PLLP: variants seen among roughly 807,000 people sequenced by gnomAD.
The protein encoded by PLLP is plasmolipin, also known as plasma membrane proteolipid (plasmolipin).
In PLLP, 15 loss-of-function variants were observed where a neutral mutation model predicts 19.7. The ratio of observed to expected loss-of-function variants is 0.76; its 90% CI spans 0.51 to 1.17. The LOEUF is 1.17. PLLP is among the 50% of genes most tolerant of loss of function. The pLI is 0.00. For missense variants in PLLP, 255 were observed against 258.3 expected, an observed-to-expected ratio of 0.99 and a Z score of 0.09; for synonymous variants, 111 against 116.3, an observed-to-expected ratio of 0.95 and a Z score of 0.29.
chr16:57,257,042 T>C lies in PLLP; in HGVS notation c.433-13A>G. ...AACACGCAAAGAACTGAAAGAGAGG[T>C]GAGAAGGGCTTAAGGACCGAGAGGG... On this transcript the variant is annotated splice_polypyrimidine_tract_variant and intron_variant, in intron 3 of 3. Coordinates refer to ENST00000219207, the MANE Select transcript of PLLP (RefSeq NM_015993.3). 1 of 1,578,690 alleles carries C rather than the reference T, an allele frequency of 6.3e-7. No individual in the cohort carries two copies. Among genetic ancestry groups the C allele is most frequent in the South Asian group, 1.1e-5 (1 of 90,338 alleles).
At chr16:57,270,786 G>A (rs984381181) in intron 1 of PLLP, among the ~76,000 whole-genome samples, 5 of 152,062 alleles carry the variant, frequency 3.3e-5, no homozygotes, top group African/African-American at 7.2e-5. Context: ...AGTCATCCCC[G>A]CTCTCCAGGA....
chr16:57,275,824 C>T (rs1901146937), intron 1 of PLLP, among the ~76,000 whole-genome samples: 1 of 152,220 alleles, frequency 6.6e-6, no homozygotes, highest in African/African-American at 2.4e-5. Context: ...GGCTCTTAAA[C>T]ATCTTTTAGA....
At chr16:57,278,125 AG>A (rs1325839767) in intron 1 of PLLP, among the ~76,000 whole-genome samples, 5 of 152,140 alleles carry the variant, frequency 3.3e-5, no homozygotes. Context: ...AGATCACCTG[AG>A]GTCAAGAGTT....
At chr16:57,260,272 C>T (rs1472807246) in intron 2 of PLLP, among the ~76,000 whole-genome samples, 1 of 152,198 alleles carries the variant, frequency 6.6e-6, no homozygotes, top group African/African-American at 2.4e-5. Context: ...GAAGCAATGT[C>T]CTGCCACTGT....
At chr16:57,257,742 A>T (rs189175281) in intron 3 of PLLP, among the ~76,000 whole-genome samples, 72 of 152,334 alleles carry the variant, frequency 4.7e-4, no homozygotes, top group Non-Finnish European at 9.3e-4. Context: ...GTTTCATGGG[A>T]GAGCCTATGA....
At position 57,258,489 on chromosome 16, in the gene PLLP, C is replaced by T. The variant is rs1477052756; in HGVS notation, c.405G>A (p.Arg135=). The change falls in exon 3 of 4, where the codon CGG becomes CGA. Residue 135 remains arginine (R), a synonymous_variant. Transcript: ENST00000219207. ...AGGCAGCCGCGCGCTGGTTATAAGG[C>T]CGGGTGCCCCTCAGGGATGTCAGGT... The part of the protein sequence containing the change: ...AVDLTSLRGT[R]PYNQRAAASF... The T allele has an allele frequency of 5.0e-6, 8 of 1,612,624 alleles. No individual in the cohort carries two copies. The highest frequency in any genetic ancestry group is 6.8e-6 in the Non-Finnish European group (8 of 1,179,958).
chr16:57,273,694 C>G (rs1407221456), intron 1 of PLLP, among the ~76,000 whole-genome samples: 1 of 152,184 alleles, frequency 6.6e-6, no homozygotes, highest in Non-Finnish European at 1.5e-5. Context: ...AATCAGGGTC[C>G]TAGTCCTCAC....
chr16:57,284,581 C>A lies in PLLP; in HGVS notation c.-41G>T, dbSNP rs1901262550. 1.5e-6 allele frequency: 2 copies of A among 1,317,322 alleles called. No homozygotes were observed. 81.6% of individuals were successfully genotyped at this position (1,317,322 alleles called of 1,614,324 possible). A position where few individuals can be genotyped will look rare whatever the true frequency, so the allele number is the denominator to read the frequency against. ...CTCCCGAGGTCGCTACGGCCGCCGT[C>A]GCCGCCCCTCCAGCGGTGGGTGCCG... On this transcript the variant is annotated 5_prime_UTR_variant, in exon 1 of 4. Transcript: ENST00000219207.
intron 1 of PLLP, among the ~76,000 whole-genome samples, chr16:57,271,242 G>A (rs2075474276): frequency 6.6e-6 from 1 of 152,166 alleles, no homozygotes; most frequent in Non-Finnish European, 1.5e-5. Flanking sequence ...GCAAGGTCCT[G>A]CAGCCCCCAC....
At chr16:57,267,060 C>T (rs959526742) in intron 1 of PLLP, among the ~76,000 whole-genome samples, 1 of 152,264 alleles carries the variant, frequency 6.6e-6, no homozygotes, top group East Asian at 1.9e-4. Flanking sequence ...AAATGCCCAA[C>T]CAAGAGGCAC....
Position 57,266,333 on chromosome 16 carries a change from C to T in PLLP, c.136-4263G>A, listed in dbSNP as rs184042804. Among the ~76,000 whole-genome samples the T allele has an allele frequency of 3.0e-3, 459 of 152,296 alleles. 4 individuals carry two copies. The highest frequency in any genetic ancestry group is 0.011 in the African/African-American group (445 of 41,558). ...TCTGGCTGTGCTGCCTGGCTCTGTGCCTGCGGAGCTGCCTCGGTTTCTGCC... is the reference window on the plus strand; with the variant it reads ...TCTGGCTGTGCTGCCTGGCTCTGTGTCTGCGGAGCTGCCTCGGTTTCTGCC... On this transcript the variant is annotated intron_variant, in intron 1 of 3. Transcript: ENST00000219207.
At chr16:57,257,053 T>A in intron 3 of PLLP, 24 bp from the exon 4 acceptor site, 3 of 1,535,902 alleles carry the variant, frequency 2.0e-6, no homozygotes, top group Non-Finnish European at 2.7e-6. Context: ...GAGAAGGGCT[T>A]AAGGACCGAG....
chr16:57,265,017 C>G (rs1405641263), intron 1 of PLLP, among the ~76,000 whole-genome samples: 1 of 152,252 alleles, frequency 6.6e-6, no homozygotes, highest in Non-Finnish European at 1.5e-5. Context: ...GTGTCCCGCT[C>G]TCCAGGGCTC....
chr16:57,266,125 A>G lies in PLLP; in HGVS notation c.136-4055T>C, dbSNP rs573610432. 3.3e-5 allele frequency among the ~76,000 whole-genome samples: 5 copies of G among 152,270 alleles called. No individual in the cohort carries two copies. In the East Asian group the frequency reaches 5.8e-4, roughly 18 times the overall value. On this transcript the variant is annotated intron_variant, in intron 1 of 3. Coordinates refer to ENST00000219207, the MANE Select transcript of PLLP (RefSeq NM_015993.3). ...TGAGTTATTTAGTGAAGTGTAAAAAATGAGGACACTTCAGCTGGCTCTAGG... is the reference window on the plus strand; with the variant it reads ...TGAGTTATTTAGTGAAGTGTAAAAAGTGAGGACACTTCAGCTGGCTCTAGG...
chr16:57,259,721 A>G (rs932160025), intron 2 of PLLP, among the ~76,000 whole-genome samples: 8 of 152,232 alleles, frequency 5.3e-5, no homozygotes, highest in Non-Finnish European at 1.2e-4. Flanking sequence ...TCATGCCTGT[A>G]ATCCCAGCAC....
chr16:57,256,817 T>C lies in PLLP; in HGVS notation c.*96A>G. ...CAAATGCAGTCCCTGTTGGGCTGAC[T>C]CCACGCAGGGCTCCCCAGCTTCAGG... On this transcript the variant is annotated 3_prime_UTR_variant, in exon 4 of 4. Transcript: ENST00000219207. 1 of 791,308 alleles carries C rather than the reference T, an allele frequency of 1.3e-6. No homozygotes were observed. The highest frequency in any genetic ancestry group is 2.2e-6 in the Non-Finnish European group (1 of 463,862). The allele number at this position is 791,308 out of a possible 1,614,324, so 49.0% of individuals were successfully genotyped here. A position where few individuals can be genotyped will look rare whatever the true frequency, so the allele number is the denominator to read the frequency against.
In PLLP at chr16:57,284,529, G is replaced by T; in HGVS notation, c.12C>A (p.Phe4Leu). The T allele has an allele frequency of 7.2e-7, 1 of 1,381,788 alleles. No individual in the cohort carries two copies. The highest frequency in any genetic ancestry group is 9.5e-7 in the Non-Finnish European group (1 of 1,058,094). 85.6% of individuals were successfully genotyped at this position (1,381,788 alleles called of 1,614,324 possible). MAE[F>L]PSKVSTRTSS... ...TGGTCCGCGTGCTAACTTTCGACGG[G>T]AACTCGGCCATGGCGGCTCCGCTTG... Residue 4 changes from phenylalanine (F) to leucine (L), a missense_variant, in exon 1 of 4, where the codon TTC becomes TTA. Coordinates refer to ENST00000219207, the MANE Select transcript of PLLP (RefSeq NM_015993.3).
At chr16:57,276,591 C>CA (rs34532075) in intron 1 of PLLP, among the ~76,000 whole-genome samples, 56,399 of 107,642 alleles carry the variant, frequency 0.52, 12,994 homozygotes, top group South Asian at 0.72. Context: ...GACTCTGTCT[C>CA]AAAAAAAAAA....
chr16:57,274,887 G>A (rs1052557895), intron 1 of PLLP, among the ~76,000 whole-genome samples: 7 of 151,962 alleles, frequency 4.6e-5, no homozygotes, highest in Admixed American at 1.3e-4. Context: ...TCAGCCTCCC[G>A]AGTAGCTGGG....
Sources: allele counts gnomAD v4.1 joint callset (sites outside exome capture counted in the v4.1 genomes callset), GRCh38; gene constraint gnomAD v4.1.1; transcripts MANE v1.5; gene names NCBI Gene and HGNC (gene_info 2026-07-23, HGNC 2026-07-21).